Variants in SRRM3 observed in about 807,000 individuals in gnomAD.
The protein encoded by SRRM3 is serine/arginine repetitive matrix protein 3.
SRRM3 carries 27 observed loss-of-function variants against 66.2 expected under a neutral mutation model. The observed-to-expected ratio is 0.41, with a 90% CI of 0.30 to 0.56. The LOEUF is 0.56. Ranked by LOEUF, SRRM3 falls within the 20% of genes least tolerant of loss-of-function variation. The probability of loss-of-function intolerance (pLI) is 0.32; values close to 1 mark genes in which losing one functional copy is unlikely to be tolerated. For synonymous variants in SRRM3, 391 were observed against 414.9 expected (o/e 0.94, Z 0.70); for missense variants, 918 against 991.9 (o/e 0.93, Z 1.00).
rs1801982844 is a variant in SRRM3, at chr7:76,265,374, G to C, written c.736G>C (p.Glu246Gln). ...KNKEKKRPHT[E>Q]SPGRRSHRHS... ...CCCCATCCACGCCAGGCCTCACACA[G>C]AGTCCCCAGGCCGGAGGTCTCATCG... is the stretch of plus-strand genomic sequence containing the variant. Residue 246 changes from glutamate to glutamine, a missense_variant, in exon 10 of 15, where the codon GAG becomes CAG. Physicochemically the swap from Glu to Gln is conservative, Grantham distance 29 (BLOSUM62 2). Transcript: ENST00000611745. 4 of 1,598,666 alleles carry C rather than the reference G, an allele frequency of 2.5e-6. No homozygotes were observed. Among genetic ancestry groups the C allele is most frequent in the Non-Finnish European group, 3.4e-6 (4 of 1,173,114 alleles).
intron 1 of SRRM3, among the ~76,000 whole-genome samples, chr7:76,234,521 C>T (rs545355380): frequency 3.3e-5 from 5 of 152,210 alleles, no homozygotes; most frequent in Non-Finnish European, 5.9e-5. Context: ...TTCCATCTTC[C>T]CCTCTCTGTA....
chr7:76,222,443 A>G (rs1368517349), intron 1 of SRRM3, among the ~76,000 whole-genome samples: 1 of 147,522 alleles, frequency 6.8e-6, no homozygotes, highest in African/African-American at 2.5e-5. Context: ...TGCAAGAGAG[A>G]TCTTTCCAAA....
intron 3 of SRRM3, among the ~76,000 whole-genome samples, chr7:76,258,857 T>C (rs1475540218): frequency 6.7e-6 from 1 of 150,030 alleles, no homozygotes; most frequent in Non-Finnish European, 1.5e-5. Flanking sequence ...GGGAGTTCCA[T>C]ACCAGCCTGA....
At chr7:76,274,269 C>T (rs1802285452) in intron 11 of SRRM3, among the ~76,000 whole-genome samples, 1 of 152,250 alleles carries the variant, frequency 6.6e-6, no homozygotes, top group Non-Finnish European at 1.5e-5. Flanking sequence ...CTCTGGGCTT[C>T]CTCAAGTCCT....
At chr7:76,239,078 G>A (rs1434302055) in intron 2 of SRRM3, among the ~76,000 whole-genome samples, 1 of 152,078 alleles carries the variant, frequency 6.6e-6, no homozygotes, top group Non-Finnish European at 1.5e-5. Context: ...TGTTGCCCAG[G>A]CTGGAGTGAA....
chr7:76,283,696 G>T, intron 14 of SRRM3: 1 of 920,542 alleles, frequency 1.1e-6, no homozygotes, highest in South Asian at 1.5e-5. Context: ...CAGCAGTCTG[G>T]TCTCTGGGGC....
chr7:76,251,558 T>A (rs1249915042), intron 3 of SRRM3, among the ~76,000 whole-genome samples: 1 of 152,010 alleles, frequency 6.6e-6, no homozygotes, highest in Admixed American at 6.6e-5. Context: ...GTATTTTCAG[T>A]AGAGACGGGG....
In SRRM3 at chr7:76,265,410, G is replaced by A; in HGVS notation, c.772G>A (p.Gly258Ser). 3.1e-6 allele frequency: 5 copies of A among 1,606,078 alleles called. No individual in the cohort carries two copies. The highest frequency in any genetic ancestry group is 4.2e-6 in the Non-Finnish European group (5 of 1,176,628). Reference protein sequence around the residue: ...PGRRSHRHSSGSSHSPSLSSH... With the variant: ...PGRRSHRHSSSSSHSPSLSSH... ...CCGGAGGTCTCATCGCCATAGCAGT[G>A]GCAGCTCCCACAGCCCCTCCCTCTC... Residue 258 changes from glycine (G) to serine (S), a missense_variant, in exon 10 of 15, where the codon GGC (glycine) becomes AGC (serine). Transcript: ENST00000611745.
At chr7:76,252,509 A>T (rs1021240476) in intron 3 of SRRM3, among the ~76,000 whole-genome samples, 2 of 152,068 alleles carry the variant, frequency 1.3e-5, no homozygotes, top group Non-Finnish European at 2.9e-5. Context: ...TTTAGTAGAG[A>T]TGGGGTTTTG....
chr7:76,223,885 CCCTT>C (rs1800784652), intron 1 of SRRM3, among the ~76,000 whole-genome samples: 1 of 99,710 alleles, frequency 1.0e-5, no homozygotes, highest in African/African-American at 4.2e-5. Flanking sequence ...CCCTTCCCTT[CCCTT>C]CCCTCCCCAC....
At chr7:76,205,613 GC>G (rs1248192878) in intron 1 of SRRM3, among the ~76,000 whole-genome samples, 2 of 152,194 alleles carry the variant, frequency 1.3e-5, no homozygotes, top group Non-Finnish European at 2.9e-5. Context: ...CTAGTCCCAT[GC>G]CTGTGGTCCT....
intron 1 of SRRM3, among the ~76,000 whole-genome samples, chr7:76,215,404 T>G (rs1440419947): frequency 1.4e-5 from 2 of 145,868 alleles, no homozygotes; most frequent in South Asian, 2.2e-4. Flanking sequence ...GTTTTTTTTT[T>G]TTTTTTTTTT....
chr7:76,267,319 C>T lies in SRRM3; in HGVS notation c.892C>T (p.Arg298Trp), dbSNP rs1554609884. ...KTGSQRSSGS[R>W]SPSPSGGSGW... ...GGGCAGCCAGCGGTCCAGCGGAAGCCGGTCGCCTTCCCCGTCGGGCGGCAG... is the reference window on the plus strand; with the variant it reads ...GGGCAGCCAGCGGTCCAGCGGAAGCTGGTCGCCTTCCCCGTCGGGCGGCAG... The change falls in exon 11 of 15, where the codon CGG becomes TGG. Residue 298 changes from arginine to tryptophan, a missense_variant. Coordinates refer to ENST00000611745, the MANE Select transcript of SRRM3 (RefSeq NM_001110199.3). 1 of 1,545,936 alleles carries T rather than the reference C, an allele frequency of 6.5e-7. No individual in the cohort carries two copies. Among genetic ancestry groups the T allele is most frequent in the Non-Finnish European group, 8.7e-7 (1 of 1,152,410 alleles).
intron 1 of SRRM3, among the ~76,000 whole-genome samples, chr7:76,223,187 AG>A (rs151278446): frequency 0.015 from 2,216 of 152,270 alleles, 59 homozygotes; most frequent in African/African-American, 0.05. Context: ...ACCCCAGAGT[AG>A]CCACTCACAA....
intron 9 of SRRM3, 51 bp downstream of exon 9, chr7:76,264,866 C>T (rs1554609275): frequency 5.7e-6 from 9 of 1,579,054 alleles, no homozygotes; most frequent in East Asian, 2.2e-5. Flanking sequence ...CCTCCCGCCC[C>T]AGCAAACTAC....
At chr7:76,271,753 C>A (rs1253646938) in intron 11 of SRRM3, among the ~76,000 whole-genome samples, 1 of 152,150 alleles carries the variant, frequency 6.6e-6, no homozygotes, top group Non-Finnish European at 1.5e-5. Context: ...GTCCACGAGC[C>A]CTGAGCAGAA....
At chr7:76,250,743 A>G (rs1438263302) in intron 3 of SRRM3, among the ~76,000 whole-genome samples, 1 of 152,230 alleles carries the variant, frequency 6.6e-6, no homozygotes, top group Non-Finnish European at 1.5e-5. Context: ...GAAAGACTCC[A>G]TCAAATAAAT....
At chr7:76,210,613 C>T (rs573960270) in intron 1 of SRRM3, among the ~76,000 whole-genome samples, 4 of 152,240 alleles carry the variant, frequency 2.6e-5, no homozygotes, top group African/African-American at 9.6e-5. Context: ...CGGTGGCACA[C>T]ACCTGTGGTC....
Position 76,260,041 on chromosome 7 carries a change from G to T in SRRM3, c.464+7G>T, listed in dbSNP as rs1016979655. 4 of 1,518,612 alleles carry T rather than the reference G, an allele frequency of 2.6e-6. No homozygotes were observed. Among genetic ancestry groups the T allele is most frequent in the Non-Finnish European group, 3.5e-6 (4 of 1,139,950 alleles). The allele number at this position is 1,518,612 out of a possible 1,614,324, so 94.1% of individuals were successfully genotyped here. A position where few individuals can be genotyped will look rare whatever the true frequency, so the allele number is the denominator to read the frequency against. On this transcript the variant is annotated splice_region_variant and intron_variant, in intron 4 of 14. Transcript: ENST00000611745. The stretch of plus-strand genomic sequence containing the variant: ...GCGGCCACCGCGGGTACAGGTCAGC[G>T]GCCGCCGCGGCGGGGGTGGGGGGCG...
Sources: gnomAD v4.1 joint callset for allele counts (sites outside exome capture counted in the v4.1 genomes callset) on GRCh38, gnomAD v4.1.1 for gene constraint, MANE v1.5 for transcripts, NCBI Gene and HGNC (gene_info 2026-07-23, HGNC 2026-07-21) for gene names.